Variants in RIPK4 observed in about 807,000 individuals in gnomAD.
RIPK4 encodes receptor interacting serine/threonine kinase 4.
RIPK4 carries 17 observed loss-of-function variants against 42.9 expected under a neutral mutation model. That is an observed-to-expected ratio of 0.40 (90% CI 0.27 to 0.59). The LOEUF (loss-of-function observed/expected upper bound fraction) is 0.59, where lower values mean the gene tolerates loss of function less well. Ranked by LOEUF, RIPK4 falls within the 20% of genes least tolerant of loss-of-function variation. RIPK4 has a pLI of 0.47. For missense variants in RIPK4, 897 were observed against 1,104.4 expected (o/e 0.81, Z 2.66); for synonymous variants, 498 against 499.1 (o/e 1.00, Z 0.03).
Position 41,741,095 on chromosome 21 carries a change from C to T in RIPK4, c.2098G>A (p.Gly700Arg). ...VEEKADVLARGPLNQTALHLA... is the reference protein window; with the variant it reads ...VEEKADVLARRPLNQTALHLA... ...TGCAGCGCCGTCTGGTTCAGGGGTCCCCGGGCCAGCACATCGGCCTTCTCC... is the reference window on the plus strand; with the variant it reads ...TGCAGCGCCGTCTGGTTCAGGGGTCTCCGGGCCAGCACATCGGCCTTCTCC... Residue 700 changes from glycine (G) to arginine (R), a missense_variant, in exon 8 of 8, where the codon GGA (glycine) becomes AGA (arginine). Physicochemically the swap from Gly to Arg is moderately radical, Grantham distance 125. Transcript: ENST00000332512. 1 of 1,612,230 alleles carries T rather than the reference C, an allele frequency of 6.2e-7. No homozygotes were observed. Among genetic ancestry groups the T allele is most frequent in the Non-Finnish European group, 8.5e-7 (1 of 1,179,830 alleles).
intron 1 of RIPK4, among the ~76,000 whole-genome samples, chr21:41,766,433 C>A (rs1188396505): frequency 5.9e-5 from 9 of 152,262 alleles, no homozygotes; most frequent in Non-Finnish European, 1.2e-4. Flanking sequence ...CAGACCGCAG[C>A]GCCCCGGTGG....
intron 2 of RIPK4, among the ~76,000 whole-genome samples, chr21:41,752,058 G>A (rs1429109683): frequency 1.3e-5 from 2 of 152,060 alleles, no homozygotes; most frequent in Admixed American, 6.5e-5. Flanking sequence ...GACCTCTCTC[G>A]GGGGCATCCC....
rs1196814595 is a variant in RIPK4, at chr21:41,766,949, G to C, written c.93C>G (p.Gly31=). The change falls in exon 1 of 8, where the codon GGC becomes GGG. Residue 31 remains glycine (G), a synonymous_variant. Transcript: ENST00000332512. ...EFTGWEKVGS[G]GFGQVYKVRH... ...GCACCTTGTACACCTGCCCGAAGCC[G>C]CCCGAGCCCACCTTCTCCCAGCCCG... is the stretch of plus-strand genomic sequence containing the variant. 5 of 1,609,208 alleles carry C rather than the reference G, an allele frequency of 3.1e-6. No homozygotes were observed. In the South Asian group the frequency reaches 5.5e-5, roughly 18 times the overall value.
intron 7 of RIPK4, 132 bp downstream of exon 7, chr21:41,743,750 G>A (rs1273857435): frequency 1.7e-6 from 2 of 1,191,516 alleles, no homozygotes; most frequent in East Asian, 4.8e-5. Context: ...ACTTAAGACA[G>A]AGAGAACACA....
At position 41,741,672 on chromosome 21, in the gene RIPK4, G is replaced by A; in HGVS notation, c.1521C>T (p.Ala507=). 1 of 1,613,708 alleles carries A rather than the reference G, an allele frequency of 6.2e-7. No individual in the cohort carries two copies. The highest frequency in any genetic ancestry group is 2.2e-5 in the East Asian group (1 of 44,876). ...VNAKDEDQWT[A]LHFAAQNGDE... ...CCCCGTTCTGGGCTGCAAAGTGGAG[G>A]GCTGTCCACTGGTCCTCATCCTTGG... The change falls in exon 8 of 8, where the codon GCC becomes GCT. Residue 507 remains alanine, a synonymous_variant. Coordinates refer to ENST00000332512, the MANE Select transcript of RIPK4 (RefSeq NM_020639.3).
intron 5 of RIPK4, 138 bp from the exon 6 acceptor site, chr21:41,746,000 A>G: frequency 1.3e-6 from 1 of 792,772 alleles, no homozygotes. Flanking sequence ...AGGCAAGCCC[A>G]GGGGCCCTAC....
intron 2 of RIPK4, among the ~76,000 whole-genome samples, chr21:41,754,025 G>A (rs1358350703): frequency 1.3e-5 from 2 of 152,192 alleles, no homozygotes; most frequent in East Asian, 3.8e-4. Flanking sequence ...GAAGTAGACA[G>A]TTGCTGTGAT....
intron 6 of RIPK4, among the ~76,000 whole-genome samples, chr21:41,745,400 G>T (rs1442463558): frequency 6.6e-6 from 1 of 152,220 alleles, no homozygotes; most frequent in Non-Finnish European, 1.5e-5. Flanking sequence ...CAGCTATAAA[G>T]GAACTGGATC....
At chr21:41,749,049 C>G (rs1360368310) in intron 4 of RIPK4, 105 bp downstream of exon 4, 2 of 1,179,452 alleles carry the variant, frequency 1.7e-6, no homozygotes, top group Non-Finnish European at 2.5e-6. Flanking sequence ...CCTATGGCAG[C>G]GTGGATCACA....
chr21:41,747,971 G>C (rs917121152), intron 4 of RIPK4, among the ~76,000 whole-genome samples: 3 of 152,248 alleles, frequency 2.0e-5, no homozygotes, highest in African/African-American at 7.2e-5. Flanking sequence ...GGCATATTCA[G>C]CAATAAAGCA....
intron 1 of RIPK4, among the ~76,000 whole-genome samples, chr21:41,763,784 G>A (rs1191230296): frequency 2.6e-5 from 4 of 152,188 alleles, no homozygotes; most frequent in Admixed American, 6.5e-5. Flanking sequence ...GCTCAGGCTC[G>A]CCCCGACCAG....
In RIPK4 at chr21:41,746,611, A is replaced by G. The variant is rs146341788; in HGVS notation, c.832+2T>C. 1,801 of 1,608,230 alleles carry G rather than the reference A, an allele frequency of 1.1e-3. 4 individuals are homozygous for G. The highest frequency in any genetic ancestry group is 1.3e-3 in the Non-Finnish European group (1,490 of 1,179,252). The stretch of plus-strand genomic sequence containing the variant: ...GTGGCGGGGAGACCCCGGGGTGCTC[A>G]CCTTGGAAGGTGGGCCTAACTCGCG... On this transcript the variant is annotated splice_donor_variant, in intron 5 of 7. Transcript: ENST00000332512. LOFTEE classifies it high-confidence loss of function.
At chr21:41,754,232 C>T (rs981863768) in intron 2 of RIPK4, among the ~76,000 whole-genome samples, 3 of 152,216 alleles carry the variant, frequency 2.0e-5, no homozygotes, top group African/African-American at 7.2e-5. Flanking sequence ...TCTTCAGGAA[C>T]AAAGGCGCTG....
intron 1 of RIPK4, among the ~76,000 whole-genome samples, chr21:41,759,768 C>G (rs573757661): frequency 6.6e-6 from 1 of 152,214 alleles, no homozygotes; most frequent in African/African-American, 2.4e-5. Flanking sequence ...ACCGCCCCTG[C>G]GAGAGTTCAG....
intron 1 of RIPK4, among the ~76,000 whole-genome samples, chr21:41,761,196 C>T (rs1811426501): frequency 6.6e-6 from 1 of 152,242 alleles, no homozygotes; most frequent in African/African-American, 2.4e-5. Flanking sequence ...ATGCCAACGT[C>T]AAGCATCAGC....
chr21:41,742,108 C>A lies in RIPK4; in HGVS notation c.1196-111G>T. The A allele has an allele frequency of 1.1e-6, 1 of 950,390 alleles. No homozygotes were observed. Among genetic ancestry groups the A allele is most frequent in the African/African-American group, 1.6e-5 (1 of 61,268 alleles). 58.9% of individuals were successfully genotyped at this position (950,390 alleles called of 1,614,324 possible). ...GTGGAGGAGTGCCATGGCCTCCAGGCTGCTCGCTGGTCACCCGACTGTGTT... is the reference window on the plus strand; with the variant it reads ...GTGGAGGAGTGCCATGGCCTCCAGGATGCTCGCTGGTCACCCGACTGTGTT... On this transcript the variant is annotated intron_variant, in intron 7 of 7. Transcript: ENST00000332512. The surrounding 1 kb of genome is among the most constrained non-coding windows in gnomAD (Gnocchi z 5.1).
In RIPK4 at chr21:41,741,341, G is replaced by C; in HGVS notation, c.1852C>G (p.Arg618Gly). The change falls in exon 8 of 8, where the codon CGC becomes GGC. Residue 618 changes from arginine (R) to glycine (G), a missense_variant. By Grantham distance (125) the Arg-to-Gly change is moderately radical. Transcript: ENST00000332512. ...AGGTCGATGAGGATGCGGGCCACGC[G>C]GTAGTGCCCGCGCTGTGCGGCCAGG... Reference protein sequence around the residue: ...LHLAAQRGHYRVARILIDLCS... With the variant: ...LHLAAQRGHYGVARILIDLCS... The C allele has an allele frequency of 6.2e-7, 1 of 1,610,402 alleles. No individual in the cohort carries two copies. Among genetic ancestry groups the C allele is most frequent in the Non-Finnish European group, 8.5e-7 (1 of 1,179,680 alleles).
rs2061149216 is a variant in RIPK4, at chr21:41,740,529, G to A, written c.*309C>T. 1 of 371,120 alleles carries A rather than the reference G, an allele frequency of 2.7e-6. No homozygotes were observed. The highest frequency in any genetic ancestry group is 2.1e-5 in the African/African-American group (1 of 47,734). 23.0% of individuals were successfully genotyped at this position (371,120 alleles called of 1,614,324 possible). ...AGAGAGTGGATGCTTCCACGCCTGG[G>A]GCTTCATCACTGAGAGACCAGCCTC... On this transcript the variant is annotated 3_prime_UTR_variant, in exon 8 of 8. Transcript: ENST00000332512.
At chr21:41,746,136 G>A in intron 5 of RIPK4, 2 of 679,746 alleles carry the variant, frequency 2.9e-6, no homozygotes, top group Admixed American at 1.9e-5. Context: ...AGAGCTGCCA[G>A]CACCTGGCGG....
Sources: gnomAD v4.1 joint callset for allele counts (sites outside exome capture counted in the v4.1 genomes callset) on GRCh38, gnomAD v4.1.1 for gene constraint, Gnocchi (gnomAD v3.1) non-coding constraint, MANE v1.5 for transcripts, NCBI Gene and HGNC (gene_info 2026-07-23, HGNC 2026-07-21) for gene names.